The following RBMS3 variants were observed in gnomAD, a reference collection of about 807,000 sequenced individuals.
RBMS3 encodes RNA-binding motif, single-stranded-interacting protein 3.
RBMS3 carries 27 observed loss-of-function variants against 66.8 expected under a neutral mutation model. The observed-to-expected ratio is 0.40, with a 90% CI of 0.30 to 0.56. The LOEUF is 0.56. RBMS3 is among the 20% of genes least tolerant of loss of function. The probability of loss-of-function intolerance (pLI) is 0.40; values close to 1 mark genes in which losing one functional copy is unlikely to be tolerated. For synonymous variants in RBMS3, 188 were observed against 183.0 expected (o/e 1.03, Z -0.22); for missense variants, 513 against 549.5 (o/e 0.93, Z 0.66).
intron 4 of RBMS3, among the ~76,000 whole-genome samples, chr3:29,625,600 A>C (rs2049030490): frequency 6.6e-6 from 1 of 151,998 alleles, no homozygotes; most frequent in South Asian, 2.1e-4. Flanking sequence ...TGGGAGGCTG[A>C]GAGAGGAGAA....
intron 11 of RBMS3, among the ~76,000 whole-genome samples, chr3:29,943,869 C>T (rs1458076529): frequency 6.6e-6 from 1 of 151,700 alleles, no homozygotes; most frequent in Non-Finnish European, 1.5e-5. Flanking sequence ...TCTAAATGGG[C>T]TGCCTTGTAG....
intron 11 of RBMS3, among the ~76,000 whole-genome samples, 164 bp downstream of exon 11, chr3:29,936,360 G>T (rs921064369): frequency 2.6e-5 from 4 of 152,128 alleles, no homozygotes; most frequent in Non-Finnish European, 5.9e-5. Context: ...TGTATGTTCA[G>T]TTCCAGGGCA....
chr3:29,729,007 A>G (rs2054005866), intron 4 of RBMS3, among the ~76,000 whole-genome samples: 1 of 152,068 alleles, frequency 6.6e-6, no homozygotes, highest in Admixed American at 6.6e-5. Context: ...ATTATACTTT[A>G]AGTTCTAGGG....
At chr3:29,540,128 A>G (rs1207946321) in intron 3 of RBMS3, among the ~76,000 whole-genome samples, 9 of 152,192 alleles carry the variant, frequency 5.9e-5, no homozygotes, top group Admixed American at 5.9e-4. Flanking sequence ...CATTTTAACT[A>G]CCATGCACTT....
At chr3:29,689,400 G>C (rs1265878523) in intron 4 of RBMS3, among the ~76,000 whole-genome samples, 1 of 151,942 alleles carries the variant, frequency 6.6e-6, no homozygotes, top group Non-Finnish European at 1.5e-5. Context: ...ATGTACTTAT[G>C]AAAATATGTG....
chr3:29,305,424 A>C (rs1345411084), intron 1 of RBMS3, among the ~76,000 whole-genome samples: 1 of 151,918 alleles, frequency 6.6e-6, no homozygotes, highest in Non-Finnish European at 1.5e-5. Flanking sequence ...TCTCAACACA[A>C]TGGTAGGTGC....
chr3:29,378,788 C>T (rs972606617), intron 1 of RBMS3, among the ~76,000 whole-genome samples: 4 of 151,300 alleles, frequency 2.6e-5, no homozygotes, highest in East Asian at 4.2e-4. Context: ...AATCTTAAAA[C>T]GATTTTTTTC....
intron 4 of RBMS3, among the ~76,000 whole-genome samples, chr3:29,711,688 C>G (rs2053177022): frequency 6.6e-6 from 1 of 152,194 alleles, no homozygotes; most frequent in South Asian, 2.1e-4. Flanking sequence ...TCAAGGGTCA[C>G]TTTCTTCCCA....
intron 6 of RBMS3, among the ~76,000 whole-genome samples, chr3:29,842,620 T>A (rs768383716): frequency 1.3e-5 from 2 of 152,210 alleles, no homozygotes; most frequent in Non-Finnish European, 2.9e-5. Context: ...GAGATGTCCA[T>A]GTCGTAATCT....
intron 12 of RBMS3, among the ~76,000 whole-genome samples, chr3:29,962,982 T>C (rs1260236393): frequency 6.6e-6 from 1 of 152,016 alleles, no homozygotes; most frequent in Admixed American, 6.5e-5. Context: ...GCCCTTCACA[T>C]TGCTTCCAGT....
intron 1 of RBMS3, among the ~76,000 whole-genome samples, chr3:29,345,192 G>A (rs2036502540): frequency 6.6e-6 from 1 of 152,190 alleles, no homozygotes; most frequent in Non-Finnish European, 1.5e-5. Flanking sequence ...TATTTTAAAT[G>A]ATCTCTAGAG....
intron 1 of RBMS3, among the ~76,000 whole-genome samples, chr3:29,428,414 G>T (rs1356445698): frequency 1.3e-5 from 2 of 151,964 alleles, no homozygotes; most frequent in South Asian, 2.1e-4. Context: ...TGGAACTAAG[G>T]TTTAAAATTA....
At chr3:29,499,731 C>T (rs2043893317) in intron 3 of RBMS3, among the ~76,000 whole-genome samples, 1 of 152,184 alleles carries the variant, frequency 6.6e-6, no homozygotes, top group African/African-American at 2.4e-5. Flanking sequence ...ATTTGGAACA[C>T]TTTTTCTATG....
intron 1 of RBMS3, among the ~76,000 whole-genome samples, chr3:29,382,022 T>C (rs1302907979): frequency 6.6e-6 from 1 of 152,124 alleles, no homozygotes; most frequent in Non-Finnish European, 1.5e-5. Context: ...TGATGAAAAA[T>C]CAGTATCATA....
chr3:29,341,961 C>A (rs1022404818), intron 1 of RBMS3, among the ~76,000 whole-genome samples: 1 of 152,072 alleles, frequency 6.6e-6, no homozygotes, highest in Non-Finnish European at 1.5e-5. Context: ...CATATTCTCT[C>A]GAATGTGCAA....
chr3:29,503,996 C>T (rs2044083382), intron 3 of RBMS3, among the ~76,000 whole-genome samples: 2 of 152,096 alleles, frequency 1.3e-5, no homozygotes, highest in African/African-American at 4.8e-5. Context: ...CTTGTTTGGG[C>T]TTTGTTCTCT....
chr3:29,808,789 T>C (rs559454204), intron 6 of RBMS3, among the ~76,000 whole-genome samples: 2 of 151,984 alleles, frequency 1.3e-5, no homozygotes, highest in African/African-American at 4.8e-5. Context: ...GACAAAAGAA[T>C]AGGAAAAGCC....
At chr3:29,644,315 G>T (rs2049838107) in intron 4 of RBMS3, among the ~76,000 whole-genome samples, 15 of 152,160 alleles carry the variant, frequency 9.9e-5, no homozygotes, top group Admixed American at 9.8e-4. Flanking sequence ...ATCACAATTT[G>T]CATCCTCTCA....
chr3:29,573,986 C>T (rs1055298550), intron 3 of RBMS3, among the ~76,000 whole-genome samples: 1 of 152,170 alleles, frequency 6.6e-6, no homozygotes, highest in African/African-American at 2.4e-5. Context: ...AACACATAAT[C>T]TATCCTAGAG....
Sources: gnomAD v4.1 joint callset for allele counts (sites outside exome capture counted in the v4.1 genomes callset) on GRCh38, gnomAD v4.1.1 for gene constraint, MANE v1.5 for transcripts, NCBI Gene and HGNC (gene_info 2026-07-23, HGNC 2026-07-21) for gene names.